MTUS2: variants seen among roughly 807,000 people sequenced by gnomAD.
MTUS2 encodes the protein microtubule associated scaffold protein 2.
MTUS2 carries 40 observed loss-of-function variants against 114.1 expected under a neutral mutation model. The observed-to-expected ratio is 0.35, with a 90% CI of 0.27 to 0.46. The LOEUF is 0.46. Among genes scored for constraint, MTUS2 ranks in the 20% least tolerant of loss-of-function variants. MTUS2 has a pLI of 1.00. For synonymous variants in MTUS2, 688 were observed against 672.0 expected (o/e 1.02, Z -0.37); for missense variants, 1,679 against 1,705.4 (o/e 0.98, Z 0.27).
intron 7 of MTUS2, among the ~76,000 whole-genome samples, chr13:29,356,063 T>G (rs1869714527): frequency 6.6e-6 from 1 of 152,170 alleles, no homozygotes; most frequent in South Asian, 2.1e-4. Context: ...CATGCCTGCC[T>G]GCTTTGCTGC....
At chr13:28,994,260 C>T (rs1239793466) in intron 2 of MTUS2, among the ~76,000 whole-genome samples, 2 of 152,150 alleles carry the variant, frequency 1.3e-5, no homozygotes, top group African/African-American at 4.8e-5. Flanking sequence ...CACAGTATTC[C>T]ATGGTGTATA....
At position 28,936,711 on chromosome 13, in the gene MTUS2, C is replaced by T. The variant is rs967789682; in HGVS notation, c.-242-87746C>T. ...TTTCTCATCAGGCATTTCCGGTGTC[C>T]CCTGAGGCTTTGAAACCCAAAAGCC... On this transcript the variant is annotated intron_variant, in intron 2 of 15. Transcript: ENST00000612955. Among the ~76,000 whole-genome samples, 13 of 152,212 alleles carry T rather than the reference C, an allele frequency of 8.5e-5. No individual in the cohort carries two copies. The South Asian group carries it at 2.7e-3, about 32-fold the overall frequency.
chr13:29,310,450 G>A (rs1157495303), intron 6 of MTUS2, among the ~76,000 whole-genome samples: 1 of 152,118 alleles, frequency 6.6e-6, no homozygotes, highest in African/African-American at 2.4e-5. Context: ...AAACAACTAA[G>A]TTAGTATTTA....
intron 2 of MTUS2, among the ~76,000 whole-genome samples, chr13:29,008,756 A>C (rs1885709454): frequency 6.6e-6 from 1 of 152,182 alleles, no homozygotes; most frequent in African/African-American, 2.4e-5. Context: ...TTGAGGATTT[A>C]GGGCTTTCCA....
At chr13:29,190,618 C>A (rs1894407125) in intron 5 of MTUS2, among the ~76,000 whole-genome samples, 1 of 152,200 alleles carries the variant, frequency 6.6e-6, no homozygotes, top group African/African-American at 2.4e-5. Context: ...GTGCAGGGAG[C>A]AACATTGTGT....
chr13:29,103,413 G>A (rs924052917), intron 5 of MTUS2, among the ~76,000 whole-genome samples: 5 of 152,172 alleles, frequency 3.3e-5, no homozygotes, highest in African/African-American at 9.7e-5. Flanking sequence ...ACACAATAGT[G>A]CGTATTGGTA....
intron 2 of MTUS2, among the ~76,000 whole-genome samples, chr13:28,866,205 C>T (rs1006882179): frequency 6.6e-6 from 1 of 152,146 alleles, no homozygotes; most frequent in African/African-American, 2.4e-5. Flanking sequence ...TGGTACGACA[C>T]GGTGCCACAT....
At position 29,226,049 on chromosome 13, in the gene MTUS2, G is replaced by A. The variant is rs74652168; in HGVS notation, c.2645-55655G>A. Among the ~76,000 whole-genome samples the A allele has an allele frequency of 3.2e-4, 49 of 152,192 alleles. No individual in the cohort carries two copies. The East Asian group carries it at 4.3e-3, about 13-fold the overall frequency. ...TATTAAATTTTGGTTAGTGCTGGCCGTACTTTCTAGTGTTCTGCTGAGTTA... is the reference window on the plus strand; with the variant it reads ...TATTAAATTTTGGTTAGTGCTGGCCATACTTTCTAGTGTTCTGCTGAGTTA... On this transcript the variant is annotated intron_variant, in intron 5 of 15. Transcript: ENST00000612955.
In MTUS2 at chr13:29,005,918, A is replaced by G. The variant is rs866531763; in HGVS notation, c.-242-18539A>G. ...TTGCCGTTTGAGTTTTGAAGATGAA[A>G]CTATTTCCATGTTCTGGCAGATGGC... On this transcript the variant is annotated intron_variant, in intron 2 of 15. Coordinates refer to ENST00000612955, the MANE Select transcript of MTUS2 (RefSeq NM_001033602.4). Among the ~76,000 whole-genome samples the G allele has an allele frequency of 5.3e-5, 8 of 152,274 alleles. No individual in the cohort carries two copies. In the South Asian group the frequency reaches 6.2e-4, roughly 12 times the overall value.
intron 6 of MTUS2, among the ~76,000 whole-genome samples, chr13:29,308,406 A>C (rs1251758016): frequency 6.6e-6 from 1 of 152,226 alleles, no homozygotes; most frequent in Non-Finnish European, 1.5e-5. Context: ...ATATTAACTC[A>C]AGATGGATTA....
intron 3 of MTUS2, among the ~76,000 whole-genome samples, chr13:29,033,208 A>T (rs1350247441): frequency 6.6e-6 from 1 of 152,218 alleles, no homozygotes; most frequent in Non-Finnish European, 1.5e-5. Flanking sequence ...ATTGTGCCCT[A>T]GAACTTCCAT....
At chr13:29,352,130 T>C (rs1219188893) in intron 7 of MTUS2, among the ~76,000 whole-genome samples, 1 of 152,212 alleles carries the variant, frequency 6.6e-6, no homozygotes, top group African/African-American at 2.4e-5. Flanking sequence ...CCAGGTGATA[T>C]TGGCAGAAAA....
At chr13:29,096,346 C>T (rs9506102) in intron 4 of MTUS2, among the ~76,000 whole-genome samples, 102,192 of 152,034 alleles carry the variant, frequency 0.67, 35,053 homozygotes, top group Non-Finnish European at 0.74. Context: ...CCACTAATTA[C>T]TGACTGATTG....
At chr13:28,957,686 G>T (rs1047338386) in intron 2 of MTUS2, among the ~76,000 whole-genome samples, 1 of 92,150 alleles carries the variant, frequency 1.1e-5, no homozygotes. Flanking sequence ...TGTATCTGGA[G>T]GGGGGGGTCC....
At chr13:29,413,483 A>G (rs1387475746) in intron 8 of MTUS2, among the ~76,000 whole-genome samples, 1 of 129,360 alleles carries the variant, frequency 7.7e-6, no homozygotes, top group African/African-American at 3.0e-5. Context: ...GAGCTTCTGC[A>G]CAGCAAAAGA....
chr13:29,444,444 CA>C (rs113251098), intron 9 of MTUS2, among the ~76,000 whole-genome samples: 16,255 of 151,670 alleles, frequency 0.11, 1,376 homozygotes, highest in African/African-American at 0.24. Flanking sequence ...AACAAACAAA[CA>C]AAAAAAAGCC....
At chr13:29,043,449 G>A (rs1887464941) in intron 4 of MTUS2, among the ~76,000 whole-genome samples, 1 of 152,014 alleles carries the variant, frequency 6.6e-6, no homozygotes, top group African/African-American at 2.4e-5. Flanking sequence ...AAGTCCATTT[G>A]TTCTAGGGTA....
intron 2 of MTUS2, among the ~76,000 whole-genome samples, chr13:28,900,652 A>G (rs1389780351): frequency 6.6e-6 from 1 of 152,204 alleles, no homozygotes; most frequent in East Asian, 1.9e-4. Flanking sequence ...GTAATGATAT[A>G]GAGGTACCAC....
At chr13:28,931,119 G>A (rs935040065) in intron 2 of MTUS2, among the ~76,000 whole-genome samples, 1 of 152,156 alleles carries the variant, frequency 6.6e-6, no homozygotes, top group South Asian at 2.1e-4. Context: ...CTGGCCTCAC[G>A]CTCATTGGAG....
Sources: gnomAD v4.1 joint callset for allele counts (sites outside exome capture counted in the v4.1 genomes callset) on GRCh38, gnomAD v4.1.1 for gene constraint, MANE v1.5 for transcripts, NCBI Gene and HGNC (gene_info 2026-07-23, HGNC 2026-07-21) for gene names.